Variants in RAPGEF5 observed in about 807,000 individuals in gnomAD.
RAPGEF5 encodes M-Ras-regulated GEF.
In RAPGEF5, 65 loss-of-function variants were observed where a neutral mutation model predicts 125.2. The ratio of observed to expected loss-of-function variants is 0.52; its 90% confidence interval spans 0.43 to 0.64. RAPGEF5 has a LOEUF of 0.64. Among genes scored for constraint, RAPGEF5 ranks in the 30% least tolerant of loss-of-function variants. The probability of loss-of-function intolerance (pLI) is 0.00; values close to 1 mark genes in which losing one functional copy is unlikely to be tolerated. For missense variants in RAPGEF5, 958 were observed against 1,048.1 expected, an observed-to-expected ratio of 0.91 and a Z score of 1.19; for synonymous variants, 391 against 385.9, an observed-to-expected ratio of 1.01 and a Z score of -0.16.
chr7:22,131,134 A>AT, intron 23 of RAPGEF5, 33 bp from the exon 24 acceptor site: 1 of 1,512,976 alleles, frequency 6.6e-7, no homozygotes, highest in Non-Finnish European at 8.8e-7. Context: ...TGTATGTATC[A>AT]TTAGGAATGG....
intron 5 of RAPGEF5, among the ~76,000 whole-genome samples, chr7:22,299,486 C>A (rs375777144): frequency 6.6e-6 from 1 of 151,920 alleles, no homozygotes; most frequent in African/African-American, 2.4e-5. Context: ...GAAAAGCCCA[C>A]CAAATGTTTC....
At chr7:22,319,606 T>C (rs908979771) in intron 1 of RAPGEF5, among the ~76,000 whole-genome samples, 4 of 152,192 alleles carry the variant, frequency 2.6e-5, no homozygotes, top group Admixed American at 2.0e-4. Context: ...TCATGTACCA[T>C]GAGCCTATGT....
At position 22,145,167 on chromosome 7, in the gene RAPGEF5, T is replaced by C; in HGVS notation, c.2063A>G (p.Asn688Ser). The change falls in exon 20 of 26, where the codon AAT becomes AGT. Residue 688 changes from asparagine to serine, a missense_variant. Transcript: ENST00000665637. The part of the protein sequence containing the change: ...SRQGSGEHTA[N>S]LSLLLQRCNE... ...GCATCTCTGGAGCAGAAGGCTGAGA[T>C]TTGCAGTGTGTTCCCCACTTCCCTG... 2 of 1,613,568 alleles carry C rather than the reference T, an allele frequency of 1.2e-6. No homozygotes were observed. The highest frequency in any genetic ancestry group is 1.7e-6 in the Non-Finnish European group (2 of 1,179,706).
intron 11 of RAPGEF5, among the ~76,000 whole-genome samples, chr7:22,184,805 G>T (rs1784780396): frequency 6.6e-6 from 1 of 152,172 alleles, no homozygotes; most frequent in Non-Finnish European, 1.5e-5. Context: ...TTCAAAGGTG[G>T]TGAGAATAGA....
rs535133650 is a variant in RAPGEF5 at position 22,138,432 on chromosome 7, C to T, written c.2278-1449G>A. On this transcript the variant is annotated intron_variant, in intron 21 of 25. Transcript: ENST00000665637. ...GCCCTTTACCAAAGCAGTTTGCTGA[C>T]CTCTGATCTGTTTCTTTTCCTGTAT... Among the ~76,000 whole-genome samples the T allele has an allele frequency of 4.0e-3, 615 of 152,336 alleles. 1 individual carries two copies. The highest frequency in any genetic ancestry group is 0.012 in the South Asian group (56 of 4,832).
At chr7:22,147,134 C>A in intron 18 of RAPGEF5, 115 bp from the exon 19 acceptor site, 1 of 1,324,096 alleles carries the variant, frequency 7.6e-7, no homozygotes, top group Non-Finnish European at 1.0e-6. Context: ...TTTCTGAGTG[C>A]ACTTAATATT....
chr7:22,126,256 T>G (rs1782742030), intron 24 of RAPGEF5, among the ~76,000 whole-genome samples: 1 of 152,204 alleles, frequency 6.6e-6, no homozygotes, highest in Admixed American at 6.5e-5. Context: ...GCCCCAGTCA[T>G]CCTGTTCACA....
intron 22 of RAPGEF5, 58 bp downstream of exon 22, chr7:22,136,875 G>C (rs1273760520): frequency 1.4e-6 from 2 of 1,408,988 alleles, no homozygotes; most frequent in African/African-American, 2.9e-5. Flanking sequence ...AATGTAGAAA[G>C]AAACTAGACC....
In RAPGEF5 at chr7:22,257,210, G is replaced by A. The variant is rs543357174; in HGVS notation, c.796+9754C>T. On this transcript the variant is annotated intron_variant, in intron 7 of 25. Coordinates refer to ENST00000665637, the MANE Select transcript of RAPGEF5 (RefSeq NM_012294.5). ...CTTCTGTCAAGCTCCAGATGTGCCA[G>A]CTATCATTTTAAATACTTTTTTATT... 5.9e-5 allele frequency among the ~76,000 whole-genome samples: 9 copies of A among 152,270 alleles called. No individual in the cohort carries two copies. In the South Asian group the frequency reaches 1.9e-3, roughly 32 times the overall value.
chr7:22,187,108 C>T (rs17146368), intron 11 of RAPGEF5, among the ~76,000 whole-genome samples: 13,801 of 152,144 alleles, frequency 0.091, 849 homozygotes, highest in South Asian at 0.19. Flanking sequence ...GTAGCAGTAA[C>T]ATGAAGTTAG....
chr7:22,150,584 A>G (rs1297084805), intron 17 of RAPGEF5, 80 bp from the exon 18 acceptor site: 1 of 1,489,020 alleles, frequency 6.7e-7, no homozygotes, highest in East Asian at 2.4e-5. Context: ...AGTACACTTA[A>G]AAAGTGAAAC....
rs540713514 is a variant in RAPGEF5, at chr7:22,296,851, G to A, written c.681-5610C>T. On this transcript the variant is annotated intron_variant, in intron 5 of 25. Transcript: ENST00000665637. The stretch of plus-strand genomic sequence containing the variant: ...AGAAGAGCCAAGAGATGTTATCCCA[G>A]GGGCCAAGTGGAAAAACTGCTTCCA... 5.9e-5 allele frequency among the ~76,000 whole-genome samples: 9 copies of A among 152,308 alleles called. No individual in the cohort carries two copies. In the South Asian group the frequency reaches 1.9e-3, roughly 32 times the overall value.
In RAPGEF5 at chr7:22,119,251, G is replaced by T. The variant is rs1470275970; in HGVS notation, c.*3155C>A. The T allele has an allele frequency of 6.6e-6, 1 of 152,154 alleles. No individual in the cohort carries two copies. The allele number at this position is 152,154 out of a possible 1,614,324, so 9.4% of individuals were successfully genotyped here. A position where few individuals can be genotyped will look rare whatever the true frequency, so the allele number is the denominator to read the frequency against. On this transcript the variant is annotated 3_prime_UTR_variant, in exon 26 of 26. Transcript: ENST00000665637. The surrounding 1 kb of genome is among the most constrained non-coding windows in gnomAD (Gnocchi z 4.1). ...TCAGAGGCAAGTATATATTCATGCA[G>T]CATCCTCTCCCTGTGGACTAGGCAG...
rs115317449 is a variant in RAPGEF5 at position 22,143,689 on chromosome 7, A to G, written c.2186+1355T>C. Among the ~76,000 whole-genome samples the G allele has an allele frequency of 1.1e-4, 17 of 152,160 alleles. 1 individual carries two copies. The highest frequency in any genetic ancestry group is 1.1e-3 in the Admixed American group (17 of 15,284). ...CCACCCAGAATTCAAATAGATTCAAAGGCAACTTCCTTCACCAACGTTTTC... is the reference window on the plus strand; with the variant it reads ...CCACCCAGAATTCAAATAGATTCAAGGGCAACTTCCTTCACCAACGTTTTC... On this transcript the variant is annotated intron_variant, in intron 20 of 25. Transcript: ENST00000665637.
chr7:22,242,805 G>A (rs1027774279), intron 7 of RAPGEF5, among the ~76,000 whole-genome samples: 7 of 151,884 alleles, frequency 4.6e-5, no homozygotes, highest in African/African-American at 1.7e-4. Context: ...TACAAAACTG[G>A]CCGGGCATGG....
intron 7 of RAPGEF5, among the ~76,000 whole-genome samples, chr7:22,252,263 C>T (rs953397772): frequency 6.6e-6 from 1 of 152,182 alleles, no homozygotes; most frequent in Non-Finnish European, 1.5e-5. Context: ...CTCTGGGCAA[C>T]GTCACCTTAC....
intron 9 of RAPGEF5, among the ~76,000 whole-genome samples, chr7:22,208,210 T>C (rs1246637226): frequency 6.6e-6 from 1 of 152,202 alleles, no homozygotes; most frequent in African/African-American, 2.4e-5. Context: ...AATGCTTTTC[T>C]CAGTGAATGA....
chr7:22,267,315 A>G (rs977540184), intron 6 of RAPGEF5, among the ~76,000 whole-genome samples: 6 of 152,202 alleles, frequency 3.9e-5, no homozygotes, highest in Admixed American at 6.5e-5. Context: ...AAAACTATAT[A>G]ATATTCAGAT....
intron 5 of RAPGEF5, among the ~76,000 whole-genome samples, chr7:22,301,479 G>A (rs1290394681): frequency 6.6e-6 from 1 of 152,000 alleles, no homozygotes; most frequent in Non-Finnish European, 1.5e-5. Context: ...GCTGGGCGTG[G>A]TGGCGGGCGC....
Sources: allele counts gnomAD v4.1 joint callset (sites outside exome capture counted in the v4.1 genomes callset), GRCh38; gene constraint gnomAD v4.1.1; non-coding constraint Gnocchi (gnomAD v3.1); transcripts MANE v1.5; gene names NCBI Gene and HGNC (gene_info 2026-07-23, HGNC 2026-07-21).